The following LRGUK variants were observed in gnomAD, a reference collection of about 807,000 sequenced individuals.
The protein encoded by LRGUK is leucine-rich repeat and guanylate kinase domain-containing protein.
Under a neutral mutation model 76.0 loss-of-function variants are expected in LRGUK, and 65 were observed. The ratio of observed to expected loss-of-function variants is 0.85; its 90% CI spans 0.70 to 1.05. LRGUK has a LOEUF of 1.05. Among genes scored for constraint, LRGUK ranks in the 50% least tolerant of loss-of-function variants. The probability of loss-of-function intolerance (pLI) is 0.00; values close to 1 mark genes in which losing one functional copy is unlikely to be tolerated. For synonymous variants in LRGUK, 268 were observed against 265.6 expected (o/e 1.01, Z -0.09); for missense variants, 758 against 732.8 (o/e 1.03, Z -0.40).
intron 7 of LRGUK, among the ~76,000 whole-genome samples, chr7:134,173,321 G>T (rs1459826178): frequency 6.6e-6 from 1 of 152,078 alleles, no homozygotes; most frequent in African/African-American, 2.4e-5. Flanking sequence ...CTTGGCTTTG[G>T]GTCTAGTTTG....
chr7:134,172,673 G>C (rs1263134532), intron 7 of LRGUK, among the ~76,000 whole-genome samples: 1 of 152,174 alleles, frequency 6.6e-6, no homozygotes, highest in African/African-American at 2.4e-5. Flanking sequence ...TAACATTAGT[G>C]TTAGGTCCAA....
chr7:134,251,686 T>C (rs1045676490), intron 18 of LRGUK, among the ~76,000 whole-genome samples: 26 of 152,210 alleles, frequency 1.7e-4, no homozygotes, highest in Non-Finnish European at 5.9e-5. Context: ...TATATCTTTA[T>C]CACTTTGGGT....
downstream of LRGUK, among the ~76,000 whole-genome samples, chr7:134,213,441 A>G (rs1801349170): frequency 6.6e-6 from 1 of 152,176 alleles, no homozygotes. Flanking sequence ...GCAAGACAGG[A>G]AGAAAATTAA....
intron 11 of LRGUK, among the ~76,000 whole-genome samples, chr7:134,185,081 T>C (rs1338377587): frequency 1.3e-5 from 2 of 152,216 alleles, no homozygotes; most frequent in Non-Finnish European, 2.9e-5. Flanking sequence ...TTCTTTTTCT[T>C]TCCTTCAGGT....
At chr7:134,190,946 T>TCAGCA (rs71172441) in intron 11 of LRGUK, among the ~76,000 whole-genome samples, 2 of 151,432 alleles carry the variant, frequency 1.3e-5, no homozygotes, top group Non-Finnish European at 1.5e-5. Flanking sequence ...AGTTGAGCGG[T>TCAGCA]GTGGTGGGAT....
At chr7:134,199,138 TA>T (rs1225429103) in intron 13 of LRGUK, 81 bp from the exon 14 acceptor site, 2 of 1,028,868 alleles carry the variant, frequency 1.9e-6, no homozygotes, top group Admixed American at 3.8e-5. Context: ...CTACTTCTTA[TA>T]CCCATGTTGT....
In LRGUK at chr7:134,127,382, GA is replaced by G; in HGVS notation, c.16del (p.Arg6GlyfsTer4). ...CGCTAAACAAGATGGCGACCTCCGAGAGGGCTCTCCTGAGGACCAGAGCTGC... is the reference window on the plus strand; with the variant it reads ...CGCTAAACAAGATGGCGACCTCCGAGGGGCTCTCCTGAGGACCAGAGCTGC... On this transcript the variant is annotated frameshift_variant, in exon 1 of 16. Coordinates refer to ENST00000645682, the Ensembl canonical transcript of LRGUK. LOFTEE classifies it high-confidence loss of function. 6.2e-7 allele frequency: 1 copy of G among 1,604,924 alleles called. No individual in the cohort carries two copies. The highest frequency in any genetic ancestry group is 8.5e-7 in the Non-Finnish European group (1 of 1,175,410).
intron 15 of LRGUK, among the ~76,000 whole-genome samples, chr7:134,206,802 T>C (rs1801029115): frequency 6.6e-6 from 1 of 152,184 alleles, no homozygotes; most frequent in African/African-American, 2.4e-5. Context: ...GCAAAGCTTT[T>C]AGAAAGCTGT....
intron 16 of LRGUK, among the ~76,000 whole-genome samples, chr7:134,241,038 G>C (rs1323736280): frequency 6.6e-6 from 1 of 152,044 alleles, no homozygotes; most frequent in Admixed American, 6.6e-5. Context: ...TACCTTACAA[G>C]AGCTCCTGAA....
At chr7:134,150,122 A>C (rs1798145990) in intron 5 of LRGUK, among the ~76,000 whole-genome samples, 1 of 151,974 alleles carries the variant, frequency 6.6e-6, no homozygotes, top group South Asian at 2.1e-4. Context: ...AAAAATACAA[A>C]AAATTAGCCA....
downstream of LRGUK, among the ~76,000 whole-genome samples, chr7:134,267,387 T>A (rs540048185): frequency 1.3e-4 from 20 of 152,138 alleles, no homozygotes; most frequent in Non-Finnish European, 2.9e-4. Flanking sequence ...GACATAAAGA[T>A]GGCAACAATA....
intron 15 of LRGUK, among the ~76,000 whole-genome samples, chr7:134,205,285 T>C (rs188805375): frequency 6.6e-6 from 1 of 152,120 alleles, no homozygotes; most frequent in Non-Finnish European, 1.5e-5. Context: ...AAGTTCCTGA[T>C]TGGTGCGTTT....
chr7:134,148,586 A>G (rs1053451640), intron 5 of LRGUK, among the ~76,000 whole-genome samples: 1 of 152,198 alleles, frequency 6.6e-6, no homozygotes, highest in African/African-American at 2.4e-5. Flanking sequence ...CGATAAATGT[A>G]GGCTTATTCT....
chr7:134,141,924 A>T (rs905544545), intron 3 of LRGUK, among the ~76,000 whole-genome samples: 17 of 152,222 alleles, frequency 1.1e-4, no homozygotes, highest in Non-Finnish European at 2.4e-4. Flanking sequence ...TTCGTCCAGA[A>T]AAATAACATA....
chr7:134,178,177 G>A (rs935752791), intron 9 of LRGUK, among the ~76,000 whole-genome samples: 6 of 152,064 alleles, frequency 3.9e-5, no homozygotes, highest in Middle Eastern at 3.2e-3. Context: ...AGTAATCATG[G>A]GCTTTAGAGG....
rs902243815 is a variant in LRGUK at position 134,197,183 on chromosome 7, GTA to G, written c.1545+84_1545+85del. On this transcript the variant is annotated intron_variant, in intron 13 of 15. Transcript: ENST00000645682. ...TGTGTGTGTATGTGTGTGTGTGTGT[GTA>G]TATATGTATAAACTTTTTACTGATA... The G allele has an allele frequency of 1.1e-4, 35 of 317,994 alleles. No individual in the cohort carries two copies. The South Asian group carries it at 1.3e-3, about 12-fold the overall frequency. 19.7% of individuals were successfully genotyped at this position (317,994 alleles called of 1,614,324 possible).
intron 12 of LRGUK, among the ~76,000 whole-genome samples, chr7:134,195,993 C>A (rs1800468626): frequency 6.6e-6 from 1 of 152,128 alleles, no homozygotes. Context: ...ACAGCCCATC[C>A]CCGTACCCTC....
At chr7:134,149,821 C>T (rs903201711) in intron 5 of LRGUK, among the ~76,000 whole-genome samples, 2 of 152,152 alleles carry the variant, frequency 1.3e-5, no homozygotes, top group African/African-American at 2.4e-5. Context: ...TTATCTCAGG[C>T]TGTGTAGAGT....
intron 10 of LRGUK, 68 bp downstream of exon 10, chr7:134,178,677 C>G: frequency 8.1e-7 from 1 of 1,230,198 alleles, no homozygotes; most frequent in Non-Finnish European, 1.2e-6. Flanking sequence ...ATCACTTCCC[C>G]TAACCCCTAT....
Sources: gnomAD v4.1 joint callset for allele counts (sites outside exome capture counted in the v4.1 genomes callset) on GRCh38, gnomAD v4.1.1 for gene constraint, MANE v1.5 for transcripts, NCBI Gene and HGNC (gene_info 2026-07-23, HGNC 2026-07-21) for gene names.